The following INAVA variants were observed in gnomAD, a reference collection of about 807,000 sequenced individuals.
INAVA encodes the protein innate immunity activator.
In INAVA, 32 loss-of-function variants were observed where a neutral mutation model predicts 55.3. That is an observed-to-expected ratio of 0.58 (90% confidence interval 0.44 to 0.78). The LOEUF is 0.78. INAVA is among the 30% of genes least tolerant of loss of function. The pLI, the probability that INAVA is intolerant of heterozygous loss-of-function variation, is 0.00. For missense variants in INAVA, 756 were observed against 786.4 expected (o/e 0.96, Z 0.46); for synonymous variants, 294 against 329.4 (o/e 0.89, Z 1.16).
Position 200,901,176 on chromosome 1 carries a change from G to A in INAVA, c.520+17G>A, listed in dbSNP as rs1332808180. On this transcript the variant is annotated intron_variant, in intron 5 of 9. Transcript: ENST00000413687. ...TGGGCCGAGGTGAGCCGGCTGCCCT[G>A]AGGGGGGCCATGCTCCTTAAATGAG... 6.7e-7 allele frequency: 1 copy of A among 1,490,462 alleles called. No homozygotes were observed. Among genetic ancestry groups the A allele is most frequent in the South Asian group, 1.3e-5 (1 of 78,246 alleles). 92.3% of individuals were successfully genotyped at this position (1,490,462 alleles called of 1,614,324 possible).
chr1:200,894,431 C>T (rs1022369402), upstream of INAVA, among the ~76,000 whole-genome samples: 4 of 152,256 alleles, frequency 2.6e-5, no homozygotes, highest in African/African-American at 9.6e-5. Flanking sequence ...AATCCTCACT[C>T]GGGAGAGATA....
At chr1:200,891,663 G>T (rs768126602), upstream of INAVA, 5 of 1,495,836 alleles carry the variant, frequency 3.3e-6, no homozygotes, top group Middle Eastern at 2.1e-4. Flanking sequence ...AGTGGAGGGC[G>T]CAGGGGCAGG....
intron 1 of INAVA, among the ~76,000 whole-genome samples, chr1:200,895,365 A>G (rs1668322302): frequency 6.6e-6 from 1 of 151,936 alleles, no homozygotes; most frequent in Non-Finnish European, 1.5e-5. Flanking sequence ...GGGATAGAGG[A>G]GGATCCCCCA....
At chr1:200,901,186 A>G (rs1348324627) in intron 5 of INAVA, 27 bp downstream of exon 5, 9 of 1,474,574 alleles carry the variant, frequency 6.1e-6, no homozygotes, top group South Asian at 2.6e-5. Context: ...GAGGGGGGCC[A>G]TGCTCCTTAA....
chr1:200,908,707 C>A, intron 6 of INAVA, 23 bp from the exon 7 acceptor site: 1 of 1,525,212 alleles, frequency 6.6e-7, no homozygotes, highest in Non-Finnish European at 8.8e-7. Flanking sequence ...TCTGGCCTTA[C>A]CAGGTTTCTT....
upstream of INAVA, among the ~76,000 whole-genome samples, chr1:200,892,178 G>A (rs1045937509): frequency 6.6e-6 from 1 of 152,184 alleles, no homozygotes; most frequent in African/African-American, 2.4e-5. Context: ...AAACAGTGAA[G>A]GAACCATCTC....
intron 6 of INAVA, chr1:200,908,470 G>A (rs1048277348): frequency 2.7e-5 from 10 of 374,568 alleles, no homozygotes; most frequent in African/African-American, 4.2e-5. Flanking sequence ...GTTAGAAAGT[G>A]GAGCACTGTA....
intron 1 of INAVA, among the ~76,000 whole-genome samples, chr1:200,897,330 T>C (rs1400597056): frequency 6.6e-6 from 1 of 152,226 alleles, no homozygotes; most frequent in Non-Finnish European, 1.5e-5. Context: ...GGATCTAGGC[T>C]GATTCCCCTT....
chr1:200,910,084 C>T (rs1234117272), intron 8 of INAVA, among the ~76,000 whole-genome samples: 1 of 152,130 alleles, frequency 6.6e-6, no homozygotes, highest in Non-Finnish European at 1.5e-5. Context: ...CACTTTGGCA[C>T]TGTATTTGGG....
chr1:200,894,311 A>G (rs1229812888), upstream of INAVA, among the ~76,000 whole-genome samples: 28 of 152,106 alleles, frequency 1.8e-4, no homozygotes, highest in Admixed American at 1.8e-3. Context: ...GATGGCCTCG[A>G]TACCCTTGGG....
At position 200,898,442 on chromosome 1, in the gene INAVA, C is replaced by T; in HGVS notation, c.42C>T (p.Ile14=). The T allele has an allele frequency of 6.2e-7, 1 of 1,614,036 alleles. No individual in the cohort carries two copies. Among genetic ancestry groups the T allele is most frequent in the Non-Finnish European group, 8.5e-7 (1 of 1,179,980 alleles). Residue 14 remains isoleucine, a synonymous_variant, in exon 2 of 10, where the codon ATC becomes ATT. Coordinates refer to ENST00000413687, the MANE Select transcript of INAVA (RefSeq NM_001142569.3). ...KDEVSDTDSG[I]ILQSGPDSPV... is the part of the protein sequence containing the mutation. Reference sequence around the variant, plus strand: ...AGGTCAGCGACACCGACAGTGGCATCATCCTGCAGTCTGGTGAGTGTTCAG... The same window carrying T: ...AGGTCAGCGACACCGACAGTGGCATTATCCTGCAGTCTGGTGAGTGTTCAG...
upstream of INAVA, among the ~76,000 whole-genome samples, chr1:200,892,409 C>CT (rs138206581): frequency 6.0e-4 from 91 of 151,954 alleles, no homozygotes; most frequent in Admixed American, 3.3e-3. Flanking sequence ...AAAGAAGGAA[C>CT]TTTTTTTTAA....
Position 200,898,462 on chromosome 1 carries a change from G to A in INAVA, c.55+7G>A, listed in dbSNP as rs1030164167. On this transcript the variant is annotated splice_region_variant and intron_variant, in intron 2 of 9. Coordinates refer to ENST00000413687, the MANE Select transcript of INAVA (RefSeq NM_001142569.3). ...GGCATCATCCTGCAGTCTGGTGAGTGTTCAGGGAAATCCCCCTGCCCTAGT... is the reference window on the plus strand; with the variant it reads ...GGCATCATCCTGCAGTCTGGTGAGTATTCAGGGAAATCCCCCTGCCCTAGT... 8.1e-6 allele frequency: 13 copies of A among 1,613,428 alleles called. No individual in the cohort carries two copies. The highest frequency in any genetic ancestry group is 1.0e-5 in the Non-Finnish European group (12 of 1,179,790).
chr1:200,894,262 C>T (rs1185175529), upstream of INAVA, among the ~76,000 whole-genome samples: 5 of 152,000 alleles, frequency 3.3e-5, no homozygotes, highest in South Asian at 6.2e-4. Flanking sequence ...CATGAACATG[C>T]GTTGCTGGGG....
At chr1:200,893,470 C>A (rs1471323411), upstream of INAVA, among the ~76,000 whole-genome samples, 1 of 152,192 alleles carries the variant, frequency 6.6e-6, no homozygotes, top group Non-Finnish European at 1.5e-5. Flanking sequence ...CCAGAGTCAA[C>A]CCCTCTCTGT....
At chr1:200,892,317 G>T (rs1261059392), upstream of INAVA, among the ~76,000 whole-genome samples, 2 of 152,166 alleles carry the variant, frequency 1.3e-5, no homozygotes, top group Non-Finnish European at 2.9e-5. Context: ...CTACTTTGCT[G>T]GGGGCTGTTG....
At position 200,911,555 on chromosome 1, in the gene INAVA, C is replaced by T; in HGVS notation, c.1062C>T (p.Pro354=). ...YTVTVPDSCF[P]ATKPPLPHAA... ...TGACAGTGCCAGATTCCTGCTTTCCCGCGACCAAGCCCCCGCTGCCCCACG... is the reference window on the plus strand; with the variant it reads ...TGACAGTGCCAGATTCCTGCTTTCCTGCGACCAAGCCCCCGCTGCCCCACG... The change falls in exon 9 of 10, where the codon CCC becomes CCT. Residue 354 remains proline (P), a synonymous_variant. Coordinates refer to ENST00000413687, the MANE Select transcript of INAVA (RefSeq NM_001142569.3). 6 of 1,613,682 alleles carry T rather than the reference C, an allele frequency of 3.7e-6. No individual in the cohort carries two copies. The highest frequency in any genetic ancestry group is 1.3e-5 in the African/African-American group (1 of 74,982).
intron 1 of INAVA, among the ~76,000 whole-genome samples, chr1:200,897,624 C>T (rs1308807095): frequency 6.6e-6 from 1 of 152,114 alleles, no homozygotes; most frequent in Non-Finnish European, 1.5e-5. Flanking sequence ...AGATGTCTTC[C>T]CCTTCCTCCT....
upstream of INAVA, among the ~76,000 whole-genome samples, chr1:200,894,104 C>G (rs975118464): frequency 2.6e-5 from 4 of 152,076 alleles, no homozygotes; most frequent in Non-Finnish European, 5.9e-5. Context: ...GATGGGAGAT[C>G]TTGAGGCTTA....
Sources: allele counts gnomAD v4.1 joint callset (sites outside exome capture counted in the v4.1 genomes callset), GRCh38; gene constraint gnomAD v4.1.1; transcripts MANE v1.5; gene names NCBI Gene and HGNC (gene_info 2026-07-23, HGNC 2026-07-21).